The following NLGN4X variants were observed in gnomAD, a reference collection of about 807,000 sequenced individuals.
NLGN4X encodes the protein neuroligin-4, X-linked.
In NLGN4X, 3 loss-of-function variants were observed where a neutral mutation model predicts 40.3. The ratio of observed to expected loss-of-function variants is 0.07; its 90% CI spans 0.03 to 0.19. The LOEUF (loss-of-function observed/expected upper bound fraction) is 0.19, where lower values mean the gene tolerates loss of function less well. NLGN4X is among the 10% of genes least tolerant of loss of function. NLGN4X has a pLI of 1.00. For synonymous variants in NLGN4X, 270 were observed against 306.8 expected, an observed-to-expected ratio of 0.88 and a Z score of 1.25; for missense variants, 382 against 708.3, an observed-to-expected ratio of 0.54 and a Z score of 5.23.
At chrX:6,116,949 A>G (rs142220922) in intron 2 of NLGN4X, among the ~76,000 whole-genome samples, 88 of 111,872 alleles carry the variant, frequency 7.9e-4, no homozygotes, top group African/African-American at 2.8e-3. Context: ...GCCAGGTAGT[A>G]GATACGATTT....
At chrX:6,065,870 T>C (rs1374029490) in intron 2 of NLGN4X, among the ~76,000 whole-genome samples, 1 of 112,109 alleles carries the variant, frequency 8.9e-6, no homozygotes, top group Non-Finnish European at 1.9e-5. Flanking sequence ...ATTGCATATT[T>C]TAAAATGTTA....
chrX:6,070,706 G>A (rs2038039175), intron 2 of NLGN4X, among the ~76,000 whole-genome samples: 1 of 112,240 alleles, frequency 8.9e-6, no homozygotes, highest in Non-Finnish European at 1.9e-5. Context: ...GAAGGAAAGA[G>A]GTTTAATTGA....
intron 2 of NLGN4X, among the ~76,000 whole-genome samples, chrX:6,107,173 T>C (rs1177825512): frequency 3.6e-5 from 4 of 112,293 alleles, no homozygotes; most frequent in Non-Finnish European, 7.5e-5. Context: ...ACTTGATCGT[T>C]GTGCTGGATG....
chrX:6,132,452 C>A (rs968916496), intron 2 of NLGN4X, among the ~76,000 whole-genome samples: 1 of 111,294 alleles, frequency 9.0e-6, no homozygotes, highest in Non-Finnish European at 1.9e-5. Context: ...CTGTGTGAGT[C>A]GTTCTTCTGC....
Position 5,892,667 on chromosome X carries a change from C to A in NLGN4X, c.*150G>T. The A allele has an allele frequency of 1.4e-5, 11 of 789,084 alleles. No individual in the cohort carries two copies. The highest frequency in any genetic ancestry group is 2.0e-5 in the Non-Finnish European group (11 of 547,692). The allele number at this position is 789,084 out of a possible 1,213,427, so 65.0% of individuals were successfully genotyped here. On this transcript the variant is annotated 3_prime_UTR_variant, in exon 6 of 6. Coordinates refer to ENST00000381095, the MANE Select transcript of NLGN4X (RefSeq NM_181332.3). ...AGGGTCTGCCGGGATGGGATGACTG[C>A]CTTTTTGCATTTTTGTCTTAAGTCA...
rs1453018089 is a variant in NLGN4X, at chrX:5,890,913, T to C, written c.*1904A>G. 3.1e-5 allele frequency: 10 copies of C among 321,718 alleles called. No individual in the cohort carries two copies. Among genetic ancestry groups the C allele is most frequent in the Non-Finnish European group, 3.6e-5 (6 of 167,864 alleles). 26.5% of individuals were successfully genotyped at this position (321,718 alleles called of 1,213,427 possible). Reference sequence around the variant, plus strand: ...AGTGTAGGGATTCAGTAATCAAAGGTTGTTATTGCAAAAGAGCCAGGCAGC... The same window carrying C: ...AGTGTAGGGATTCAGTAATCAAAGGCTGTTATTGCAAAAGAGCCAGGCAGC... On this transcript the variant is annotated 3_prime_UTR_variant, in exon 6 of 6. Transcript: ENST00000381095.
intron 2 of NLGN4X, among the ~76,000 whole-genome samples, chrX:6,080,987 T>TA (rs574216935): frequency 0.047 from 4,888 of 103,075 alleles, 123 homozygotes; most frequent in East Asian, 0.17. Flanking sequence ...GCACACTAAT[T>TA]AAAAAAAAAA....
Position 6,063,962 on chromosome X carries a change from T to C in NLGN4X, c.473-34530A>G, listed in dbSNP as rs139322237. Among the ~76,000 whole-genome samples the C allele has an allele frequency of 8.1e-4, 91 of 112,155 alleles. No individual in the cohort carries two copies. The East Asian group carries it at 0.024, about 30-fold the overall frequency. On this transcript the variant is annotated intron_variant, in intron 2 of 5. Coordinates refer to ENST00000381095, the MANE Select transcript of NLGN4X (RefSeq NM_181332.3). ...TGTCTAGTTTTTCTGATTGGGCTCTTTGTTTTTGCCAGAGGTAAACTGCTA... is the reference window on the plus strand; with the variant it reads ...TGTCTAGTTTTTCTGATTGGGCTCTCTGTTTTTGCCAGAGGTAAACTGCTA...
intron 3 of NLGN4X, among the ~76,000 whole-genome samples, chrX:5,973,833 A>G (rs1325586823): frequency 1.8e-5 from 2 of 110,806 alleles, no homozygotes; most frequent in Non-Finnish European, 3.8e-5. Context: ...AAAAAAGAAA[A>G]AAAAAGGTGT....
At chrX:6,070,086 T>C (rs184875097) in intron 2 of NLGN4X, among the ~76,000 whole-genome samples, 57 of 111,318 alleles carry the variant, frequency 5.1e-4, no homozygotes, top group Middle Eastern at 4.6e-3. Flanking sequence ...TACTGAATTT[T>C]CCACTGAAGG....
chrX:6,183,501 C>T (rs1387027694), intron 1 of NLGN4X, among the ~76,000 whole-genome samples: 1 of 109,295 alleles, frequency 9.1e-6, no homozygotes, highest in African/African-American at 3.3e-5. Flanking sequence ...GAGCGGAGAT[C>T]GCGCCACTGC....
At chrX:6,111,038 G>C (rs977894327) in intron 2 of NLGN4X, among the ~76,000 whole-genome samples, 2 of 111,509 alleles carry the variant, frequency 1.8e-5, no homozygotes, top group African/African-American at 6.5e-5. Flanking sequence ...AACCCTAAAA[G>C]ACCATGATGC....
intron 2 of NLGN4X, among the ~76,000 whole-genome samples, chrX:6,115,236 TAA>T (rs2039251229): frequency 1.8e-5 from 2 of 111,529 alleles, no homozygotes; most frequent in Non-Finnish European, 3.8e-5. Context: ...TACAATACTT[TAA>T]GAGACATTTA....
At chrX:6,219,434 CTTCT>C (rs1220194615) in intron 1 of NLGN4X, among the ~76,000 whole-genome samples, 204 of 89,688 alleles carry the variant, frequency 2.3e-3, no homozygotes, top group African/African-American at 8.3e-3. Context: ...TCCTTTTTCT[CTTCT>C]TTCTTTCCTT....
intron 2 of NLGN4X, among the ~76,000 whole-genome samples, chrX:6,079,022 T>G (rs1024339098): frequency 1.2e-4 from 13 of 111,934 alleles, no homozygotes; most frequent in African/African-American, 4.2e-4. Context: ...GGTGCTTTCC[T>G]TCCCTTTCAC....
chrX:5,968,245 T>C (rs1004593628), intron 3 of NLGN4X, among the ~76,000 whole-genome samples: 11 of 107,371 alleles, frequency 1.0e-4, no homozygotes, highest in Non-Finnish European at 1.9e-4. Context: ...TGAATGAGAA[T>C]TGACACTCTT....
chrX:6,094,482 A>G (rs2147461883), intron 2 of NLGN4X, among the ~76,000 whole-genome samples: 1 of 110,232 alleles, frequency 9.1e-6, no homozygotes, highest in Non-Finnish European at 1.9e-5. Context: ...TGCCAGTGTT[A>G]TAGGAACCCA....
At chrX:6,200,234 A>C (rs1923467782) in intron 1 of NLGN4X, among the ~76,000 whole-genome samples, 1 of 112,254 alleles carries the variant, frequency 8.9e-6, no homozygotes. Flanking sequence ...GTAGACAAAG[A>C]ATAAAAAAGC....
intron 2 of NLGN4X, among the ~76,000 whole-genome samples, chrX:6,030,985 T>C (rs2036843830): frequency 1.8e-5 from 2 of 112,010 alleles, no homozygotes; most frequent in African/African-American, 6.5e-5. Flanking sequence ...AAGTGCTCCC[T>C]TGGAAAATAT....
Sources: gnomAD v4.1 joint callset for allele counts (sites outside exome capture counted in the v4.1 genomes callset) on GRCh38, gnomAD v4.1.1 for gene constraint, MANE v1.5 for transcripts, NCBI Gene and HGNC (gene_info 2026-07-23, HGNC 2026-07-21) for gene names.